Variants in KAT2B observed in about 807,000 individuals in gnomAD.
KAT2B encodes the protein lysine acetyltransferase 2B.
In KAT2B, 36 loss-of-function variants were observed where a neutral mutation model predicts 105.9. The ratio of observed to expected loss-of-function variants is 0.34; its 90% CI spans 0.26 to 0.45. The LOEUF (loss-of-function observed/expected upper bound fraction) is 0.45. Ranked by LOEUF, KAT2B falls within the 20% of genes least tolerant of loss-of-function variation. KAT2B has a pLI of 1.00. For synonymous variants in KAT2B, 397 were observed against 377.9 expected, an observed-to-expected ratio of 1.05 and a Z score of -0.59; for missense variants, 820 against 1,021.6, an observed-to-expected ratio of 0.80 and a Z score of 2.69.
chr3:20,097,331 A>G (rs905085715), intron 3 of KAT2B, among the ~76,000 whole-genome samples: 4 of 152,134 alleles, frequency 2.6e-5, no homozygotes, highest in Non-Finnish European at 4.4e-5. Flanking sequence ...TTTAAAGTAC[A>G]TCTTCTCTCT....
At chr3:20,108,510 C>A (rs1699062254) in intron 5 of KAT2B, among the ~76,000 whole-genome samples, 1 of 152,184 alleles carries the variant, frequency 6.6e-6, no homozygotes, top group Admixed American at 6.5e-5. Flanking sequence ...TGACAGTAGT[C>A]CTTTAAGATT....
chr3:20,140,271 C>T lies in KAT2B; in HGVS notation c.1911C>T (p.Ile637=). The T allele has an allele frequency of 6.2e-7, 1 of 1,611,556 alleles. No homozygotes were observed. The highest frequency in any genetic ancestry group is 8.5e-7 in the Non-Finnish European group (1 of 1,177,740). Residue 637 remains isoleucine (I), a synonymous_variant, in exon 13 of 18, where the codon ATC becomes ATT. Coordinates refer to ENST00000263754, the MANE Select transcript of KAT2B (RefSeq NM_003884.5). ...KIPKTKYVGY[I]KDYEGATLMG... Reference sequence around the variant, plus strand: ...CTAAAACCAAATATGTTGGCTATATCAAGGATTATGAAGGAGCCACTTTAA... The same window carrying T: ...CTAAAACCAAATATGTTGGCTATATTAAGGATTATGAAGGAGCCACTTTAA...
In KAT2B at chr3:20,122,627, T is replaced by G. The variant is rs768722036; in HGVS notation, c.1277-41T>G. The G allele has an allele frequency of 3.9e-6, 6 of 1,542,984 alleles. No homozygotes were observed. The East Asian group carries it at 1.4e-4, about 35-fold the overall frequency. On this transcript the variant is annotated intron_variant, in intron 8 of 17. Transcript: ENST00000263754. ...TGGCGTGTATTATTTGTTTTGTGTT[T>G]AGAACCACCCATTGTTTGCCTTTTA...
intron 13 of KAT2B, among the ~76,000 whole-genome samples, chr3:20,144,645 TTAAAA>T (rs950880947): frequency 5.3e-5 from 8 of 151,324 alleles, no homozygotes; most frequent in East Asian, 1.9e-4. Flanking sequence ...ATAAATGGAC[TTAAAA>T]TAAATAAATG....
chr3:20,074,775 T>TC (rs770154341), intron 2 of KAT2B, among the ~76,000 whole-genome samples: 4 of 152,170 alleles, frequency 2.6e-5, no homozygotes, highest in Non-Finnish European at 5.9e-5. Flanking sequence ...AGGATTCAAC[T>TC]CCAACTGCCT....
chr3:20,144,002 A>AC (rs1322798229), intron 13 of KAT2B, among the ~76,000 whole-genome samples: 8 of 151,784 alleles, frequency 5.3e-5, no homozygotes, highest in Non-Finnish European at 1.2e-4. Flanking sequence ...TACCCATAAT[A>AC]CCCCCTGTAT....
chr3:20,132,121 T>A (rs1454518302), intron 11 of KAT2B, among the ~76,000 whole-genome samples: 1 of 152,196 alleles, frequency 6.6e-6, no homozygotes, highest in Non-Finnish European at 1.5e-5. Flanking sequence ...ACACCTGTAA[T>A]CCCAGCACTT....
intron 2 of KAT2B, among the ~76,000 whole-genome samples, chr3:20,095,016 A>G (rs2293139): frequency 0.06 from 9,200 of 152,266 alleles, 309 homozygotes; most frequent in Non-Finnish European, 0.076. Context: ...ATTTGCATAC[A>G]TTAGCCACCA....
intron 6 of KAT2B, among the ~76,000 whole-genome samples, chr3:20,112,252 C>G (rs1699135034): frequency 6.6e-6 from 1 of 151,968 alleles, no homozygotes; most frequent in South Asian, 2.1e-4. Context: ...GACTTGCCCC[C>G]ACTCTTTGGA....
At chr3:20,069,524 C>CT in intron 1 of KAT2B, among the ~76,000 whole-genome samples, 1 of 144,424 alleles carries the variant, frequency 6.9e-6, no homozygotes, top group East Asian at 2.1e-4. Context: ...CTTTTCTTTT[C>CT]TTTTCTTTTT....
At chr3:20,049,493 G>A (rs536633044) in intron 1 of KAT2B, among the ~76,000 whole-genome samples, 5 of 152,292 alleles carry the variant, frequency 3.3e-5, no homozygotes, top group East Asian at 1.9e-4. Flanking sequence ...TCATGAAAGC[G>A]TCTGCCCAAG....
intron 13 of KAT2B, among the ~76,000 whole-genome samples, chr3:20,141,011 A>G (rs540085364): frequency 6.6e-6 from 1 of 152,208 alleles, no homozygotes; most frequent in Admixed American, 6.5e-5. Context: ...AAATACTCCA[A>G]GTGCATCTAT....
intron 2 of KAT2B, among the ~76,000 whole-genome samples, chr3:20,079,171 G>T (rs1698474437): frequency 6.7e-6 from 1 of 150,072 alleles, no homozygotes. Context: ...AAAGTGCTGG[G>T]ATTACAGGCA....
At chr3:20,087,245 A>T (rs1460537190) in intron 2 of KAT2B, among the ~76,000 whole-genome samples, 2 of 152,316 alleles carry the variant, frequency 1.3e-5, no homozygotes, top group East Asian at 3.9e-4. Flanking sequence ...ATTTGAGATG[A>T]TGGATATGCT....
At chr3:20,122,065 T>C (rs1278436746) in intron 8 of KAT2B, among the ~76,000 whole-genome samples, 1 of 152,028 alleles carries the variant, frequency 6.6e-6, no homozygotes, top group Non-Finnish European at 1.5e-5. Flanking sequence ...CAAGGAGAAA[T>C]AATCAAATCA....
rs769547391 is a variant in KAT2B at position 20,127,402 on chromosome 3, G to A, written c.1623-21G>A. ...ATATAACTAGGATAGGTAAAACTTT[G>A]ACATAATCTTATTCTTTCAGGAAAC... On this transcript the variant is annotated intron_variant, in intron 10 of 17. Coordinates refer to ENST00000263754, the MANE Select transcript of KAT2B (RefSeq NM_003884.5). 1.7e-5 allele frequency: 28 copies of A among 1,607,156 alleles called. No homozygotes were observed. The South Asian group carries it at 2.9e-4, about 16-fold the overall frequency.
intron 13 of KAT2B, among the ~76,000 whole-genome samples, chr3:20,143,495 A>G (rs1186798242): frequency 6.6e-6 from 1 of 152,228 alleles, no homozygotes. Context: ...AGAATTAAAA[A>G]TAGAATTACC....
Position 20,119,617 on chromosome 3 carries a change from G to T in KAT2B, c.1170G>T (p.Val390=). The T allele has an allele frequency of 6.2e-7, 1 of 1,614,060 alleles. No homozygotes were observed. The highest frequency in any genetic ancestry group is 8.5e-7 in the Non-Finnish European group (1 of 1,179,962). Residue 390 remains valine (V), a synonymous_variant, in exon 8 of 18, where the codon GTG becomes GTT. Coordinates refer to ENST00000263754, the MANE Select transcript of KAT2B (RefSeq NM_003884.5). ...GGGCAGTTATCAATCCACCTCCTGTGGCTGGGACAATTTCATACAATTCAA... is the reference window on the plus strand; with the variant it reads ...GGGCAGTTATCAATCCACCTCCTGTTGCTGGGACAATTTCATACAATTCAA... ...GIQTVINPPP[V]AGTISYNSTS...
rs1699180366 is a variant in KAT2B, at chr3:20,114,961, A to G, written c.1123A>G (p.Arg375Gly). 1 of 1,612,030 alleles carries G rather than the reference A, an allele frequency of 6.2e-7. No individual in the cohort carries two copies. Among genetic ancestry groups the G allele is most frequent in the African/African-American group, 1.3e-5 (1 of 74,870 alleles). Residue 375 changes from arginine to glycine, a missense_variant, in exon 7 of 18, where the codon AGA becomes GGA. Coordinates refer to ENST00000263754, the MANE Select transcript of KAT2B (RefSeq NM_003884.5). Reference sequence around the variant, plus strand: ...TCAGGATTTTCTCTCAGCCTCTTCCAGAACCAGCCAGCTAGGCATCCAAAC... The same window carrying G: ...TCAGGATTTTCTCTCAGCCTCTTCCGGAACCAGCCAGCTAGGCATCCAAAC... Reference protein sequence around the residue: ...WDQDFLSASSRTSQLGIQTVI... With the variant: ...WDQDFLSASSGTSQLGIQTVI...
Sources: allele counts gnomAD v4.1 joint callset (sites outside exome capture counted in the v4.1 genomes callset), GRCh38; gene constraint gnomAD v4.1.1; transcripts MANE v1.5; gene names NCBI Gene and HGNC (gene_info 2026-07-23, HGNC 2026-07-21).